C21orf91: variants seen among roughly 807,000 people sequenced by gnomAD.
C21orf91 encodes protein EURL homolog.
C21orf91 carries 26 observed loss-of-function variants against 32.9 expected under a neutral mutation model. The ratio of observed to expected loss-of-function variants is 0.79; its 90% CI spans 0.58 to 1.10. The LOEUF (loss-of-function observed/expected upper bound fraction) is 1.10. Among genes scored for constraint, C21orf91 ranks in the 50% least tolerant of loss-of-function variants. The probability of loss-of-function intolerance (pLI) is 0.00; values close to 1 mark genes in which losing one functional copy is unlikely to be tolerated. For synonymous variants in C21orf91, 126 were observed against 120.4 expected (o/e 1.05, Z -0.31); for missense variants, 310 against 341.3 (o/e 0.91, Z 0.72).
chr21:17,812,757 C>T (rs555641293), intron 2 of C21orf91, among the ~76,000 whole-genome samples: 3 of 151,540 alleles, frequency 2.0e-5, no homozygotes, highest in African/African-American at 4.8e-5. Flanking sequence ...TGCAGTGAGC[C>T]GAGACTGCAC....
rs2062468193 is a variant in C21orf91, at chr21:17,790,856, A to G, written c.*2559T>C. ...TTTAAAACTCAATTTAACGTGTCAA[A>G]TTATAAAACTGAACGTGAAAAAGAT... On this transcript the variant is annotated 3_prime_UTR_variant, in exon 5 of 5. Coordinates refer to ENST00000284881, the MANE Select transcript of C21orf91 (RefSeq NM_001100420.2). The G allele has an allele frequency of 6.6e-6, 1 of 152,136 alleles. No homozygotes were observed. Among genetic ancestry groups the G allele is most frequent in the Non-Finnish European group, 1.5e-5 (1 of 67,960 alleles). 9.4% of individuals were successfully genotyped at this position (152,136 alleles called of 1,614,324 possible).
intron 2 of C21orf91, among the ~76,000 whole-genome samples, chr21:17,807,407 T>C (rs559396689): frequency 1.2e-4 from 18 of 152,300 alleles, no homozygotes; most frequent in African/African-American, 4.3e-4. Context: ...TGTGGAACTG[T>C]GACCCAATCT....
In C21orf91 at chr21:17,796,667, G is replaced by A. The variant is rs758342581; in HGVS notation, c.579C>T (p.His193=). ...CRNSVLWPHS[H]NQAQKKEETI... is the part of the protein sequence containing the mutation. Reference sequence around the variant, plus strand: ...TCTCTTCTTTTTTCTGTGCCTGGTTGTGACTATGAGGCCACAATACACTGT... The same window carrying A: ...TCTCTTCTTTTTTCTGTGCCTGGTTATGACTATGAGGCCACAATACACTGT... The change falls in exon 3 of 5, where the codon CAC becomes CAT. Residue 193 remains histidine (H), a synonymous_variant. Coordinates refer to ENST00000284881, the MANE Select transcript of C21orf91 (RefSeq NM_001100420.2). 13 of 1,613,810 alleles carry A rather than the reference G, an allele frequency of 8.1e-6. No individual in the cohort carries two copies. The South Asian group carries it at 1.3e-4, about 16-fold the overall frequency.
rs2062482468 is a variant in C21orf91 at position 17,792,425 on chromosome 21, A to G, written c.*990T>C. 2 of 152,162 alleles carry G rather than the reference A, an allele frequency of 1.3e-5. No individual in the cohort carries two copies. Among genetic ancestry groups the G allele is most frequent in the African/African-American group, 4.8e-5 (2 of 41,442 alleles). 9.4% of individuals were successfully genotyped at this position (152,162 alleles called of 1,614,324 possible). On this transcript the variant is annotated 3_prime_UTR_variant, in exon 5 of 5. Transcript: ENST00000284881. ...ATGATGGTGATAATACAATTTGGACAGTTTAAGTATTCTTGAAACTTTACC... is the reference window on the plus strand; with the variant it reads ...ATGATGGTGATAATACAATTTGGACGGTTTAAGTATTCTTGAAACTTTACC...
chr21:17,807,485 TA>T (rs1218477295), intron 2 of C21orf91, among the ~76,000 whole-genome samples: 2 of 152,154 alleles, frequency 1.3e-5, no homozygotes, highest in African/African-American at 4.8e-5. Context: ...GGCATTGCTA[TA>T]AAGATACCTG....
rs201559190 is a variant in C21orf91, at chr21:17,793,516, G to A, written c.793C>T (p.Arg265Cys). 6.2e-4 allele frequency: 1,001 copies of A among 1,613,470 alleles called. No individual in the cohort carries two copies. Among genetic ancestry groups the A allele is most frequent in the Non-Finnish European group, 8.1e-4 (958 of 1,179,566 alleles). Residue 265 changes from arginine (R) to cysteine (C), a missense_variant, in exon 5 of 5, where the codon CGC becomes TGC. By Grantham distance (180) the Arg-to-Cys change is radical (BLOSUM62 -3). Transcript: ENST00000284881. ...AGAAGCTGTTCGATGGCAACGTGGC[G>A]GACATGGAGCTGTGAGGCCAAAGAA... ...KDSLASQLHV[R>C]HVAIEQLLKN...
At chr21:17,801,666 C>A (rs2062562373) in intron 2 of C21orf91, among the ~76,000 whole-genome samples, 1 of 132,084 alleles carries the variant, frequency 7.6e-6, no homozygotes, top group African/African-American at 2.9e-5. Context: ...AAGTAGGGGG[C>A]TAGAAACATC....
intron 3 of C21orf91, among the ~76,000 whole-genome samples, chr21:17,796,254 A>G (rs1318986452): frequency 1.3e-5 from 2 of 152,196 alleles, no homozygotes; most frequent in African/African-American, 4.8e-5. Flanking sequence ...CAGCAACATG[A>G]CAATGTGTAT....
Position 17,790,882 on chromosome 21 carries a change from TTG to T in C21orf91, c.*2531_*2532del, listed in dbSNP as rs2062468372. The T allele has an allele frequency of 6.6e-6, 1 of 152,114 alleles. No homozygotes were observed. The highest frequency in any genetic ancestry group is 1.5e-5 in the Non-Finnish European group (1 of 67,944). The allele number at this position is 152,114 out of a possible 1,614,324, so 9.4% of individuals were successfully genotyped here. ...TTATAAAACTGAACGTGAAAAAGAT[TTG>T]TCTTATCTCACTCCCCTTAATCATA... On this transcript the variant is annotated 3_prime_UTR_variant, in exon 5 of 5. Transcript: ENST00000284881.
chr21:17,795,200 A>C lies in C21orf91; in HGVS notation c.727+8T>G, dbSNP rs1168742083. ...CACACACAAAAAAGTACTGACAGTG[A>C]TTCTTACCCTGGATTTGCTGTAGGA... is the stretch of plus-strand genomic sequence containing the variant. On this transcript the variant is annotated splice_region_variant and intron_variant, in intron 4 of 4. Coordinates refer to ENST00000284881, the MANE Select transcript of C21orf91 (RefSeq NM_001100420.2). The C allele has an allele frequency of 8.1e-6, 13 of 1,596,596 alleles. No homozygotes were observed. Among genetic ancestry groups the C allele is most frequent in the Admixed American group, 5.0e-5 (3 of 59,960 alleles).
chr21:17,809,823 A>G (rs1229019794), intron 2 of C21orf91, among the ~76,000 whole-genome samples: 1 of 152,166 alleles, frequency 6.6e-6, no homozygotes, highest in East Asian at 1.9e-4. Context: ...TATGTTTAAA[A>G]TTATGGTGAA....
At chr21:17,808,975 A>C (rs2062615713) in intron 2 of C21orf91, 1 of 152,204 alleles carries the variant, frequency 6.6e-6, no homozygotes, top group South Asian at 2.1e-4. Context: ...GGTTGTTTAA[A>C]AGTATGTAGC....
intron 1 of C21orf91, chr21:17,819,043 G>A (rs1322567984): frequency 1.3e-5 from 2 of 152,210 alleles, no homozygotes; most frequent in African/African-American, 2.4e-5. Flanking sequence ...GGAAGAAAGC[G>A]TCCGAGGGCC....
intron 2 of C21orf91, among the ~76,000 whole-genome samples, chr21:17,810,166 T>G (rs1353541429): frequency 6.6e-6 from 1 of 152,250 alleles, no homozygotes; most frequent in Non-Finnish European, 1.5e-5. Flanking sequence ...TTTCAATCAC[T>G]CATACATTTT....
intron 2 of C21orf91, among the ~76,000 whole-genome samples, chr21:17,798,794 AT>A (rs1236587500): frequency 1.3e-5 from 2 of 152,210 alleles, no homozygotes; most frequent in Non-Finnish European, 2.9e-5. Flanking sequence ...ATTATTACGC[AT>A]TTTAGATAAT....
At chr21:17,804,135 C>A (rs967773659) in intron 2 of C21orf91, among the ~76,000 whole-genome samples, 15 of 152,064 alleles carry the variant, frequency 9.9e-5, no homozygotes, top group South Asian at 2.1e-4. Flanking sequence ...GTGCTCAATT[C>A]GACTAGACTA....
chr21:17,800,338 A>G (rs1028598077), intron 2 of C21orf91, among the ~76,000 whole-genome samples: 10 of 152,346 alleles, frequency 6.6e-5, no homozygotes, highest in Non-Finnish European at 1.2e-4. Flanking sequence ...AAAAACTTCT[A>G]TAAAACACTG....
rs2062467546 is a variant in C21orf91 at position 17,790,803 on chromosome 21, C to G, written c.*2612G>C. 6.6e-6 allele frequency: 1 copy of G among 152,058 alleles called. No homozygotes were observed. The highest frequency in any genetic ancestry group is 1.5e-5 in the Non-Finnish European group (1 of 67,938). The allele number at this position is 152,058 out of a possible 1,614,324, so 9.4% of individuals were successfully genotyped here. On this transcript the variant is annotated 3_prime_UTR_variant, in exon 5 of 5. Transcript: ENST00000284881. ...AAGGCTGAACTTTAAAGAGAACAAC[C>G]TGTGTGGTCAAAAACACTTTTCTAA...
At position 17,789,286 on chromosome 21, in the gene C21orf91, C is replaced by CACA. The variant is rs1424820520; in HGVS notation, c.*4128_*4129insTGT. On this transcript the variant is annotated 3_prime_UTR_variant, in exon 5 of 5. Coordinates refer to ENST00000284881, the MANE Select transcript of C21orf91 (RefSeq NM_001100420.2). ...ACACACACACACACACACACACACA[C>CACA]AAAATGGAACTGAACAAAAGTCACT... 5.9e-4 allele frequency: 87 copies of CACA among 147,718 alleles called. No individual in the cohort carries two copies. In the Middle Eastern group the frequency reaches 0.01, roughly 18 times the overall value. 9.2% of individuals were successfully genotyped at this position (147,718 alleles called of 1,614,324 possible).
Sources: allele counts gnomAD v4.1 joint callset (sites outside exome capture counted in the v4.1 genomes callset), GRCh38; gene constraint gnomAD v4.1.1; transcripts MANE v1.5; gene names NCBI Gene and HGNC (gene_info 2026-07-23, HGNC 2026-07-21).